RUNX1T1: variants seen among roughly 807,000 people sequenced by gnomAD.
RUNX1T1 encodes protein CBFA2T1.
RUNX1T1 carries 4 observed loss-of-function variants against 62.8 expected under a neutral mutation model. That is an observed-to-expected ratio of 0.06 (90% confidence interval 0.03 to 0.15). RUNX1T1 has a LOEUF of 0.15. Among genes scored for constraint, RUNX1T1 ranks in the 10% least tolerant of loss-of-function variants. RUNX1T1 has a pLI of 1.00. For missense variants in RUNX1T1, 508 were observed against 754.3 expected, an observed-to-expected ratio of 0.67 and a Z score of 3.82; for synonymous variants, 291 against 286.0, an observed-to-expected ratio of 1.02 and a Z score of -0.18.
In RUNX1T1 at chr8:92,005,297, C is replaced by T. The variant is rs777373997; in HGVS notation, c.478G>A (p.Ala160Thr). 2.5e-6 allele frequency: 4 copies of T among 1,610,088 alleles called. No homozygotes were observed. In the South Asian group the frequency reaches 4.4e-5, roughly 18 times the overall value. Residue 160 changes from alanine to threonine, a missense_variant and splice_region_variant, in exon 5 of 11, where the codon GCC (alanine) becomes ACC (threonine). Ala to Thr is a moderately conservative substitution (Grantham distance 58). Around this residue, in one of 7 missense-constraint regions of RUNX1T1, gnomAD observed 167 missense variants for 208.6 expected, o/e 0.80. Coordinates refer to ENST00000396218, the Ensembl canonical transcript of RUNX1T1. ...TCACGCTGCAGCAGGGGCAAGTTGG[C>T]CTGCAAGGGAATGACAGGAATGAGA...
At chr8:92,060,296 GCAA>G (rs1831704847) in intron 1 of RUNX1T1, among the ~76,000 whole-genome samples, 1 of 151,576 alleles carries the variant, frequency 6.6e-6, no homozygotes, top group African/African-American at 2.4e-5. Context: ...CAATATGCTA[GCAA>G]CATCTTTAAA....
intron 1 of RUNX1T1, among the ~76,000 whole-genome samples, chr8:92,019,421 G>T (rs73698215): frequency 5.9e-5 from 9 of 151,996 alleles, no homozygotes; most frequent in Non-Finnish European, 1.5e-5. Flanking sequence ...AGAGCAGGAG[G>T]GGGAGGGGAA....
chr8:91,980,693 A>G (rs2130762293), intron 8 of RUNX1T1, among the ~76,000 whole-genome samples: 1 of 152,192 alleles, frequency 6.6e-6, no homozygotes, highest in African/African-American at 2.4e-5. Context: ...ATATTTTGAG[A>G]CAAGGTCTTG....
chr8:91,974,653 C>T (rs1813536956), intron 9 of RUNX1T1, among the ~76,000 whole-genome samples: 1 of 152,084 alleles, frequency 6.6e-6, no homozygotes, highest in Non-Finnish European at 1.5e-5. Context: ...TTTTTAACAG[C>T]TTGGGAATAC....
At chr8:92,050,430 C>G (rs1033806240) in intron 1 of RUNX1T1, among the ~76,000 whole-genome samples, 1 of 152,180 alleles carries the variant, frequency 6.6e-6, no homozygotes, top group Admixed American at 6.5e-5. Flanking sequence ...ATCCCTATGT[C>G]AGTGATAGAT....
At chr8:91,968,371 G>A (rs1469881575) in intron 10 of RUNX1T1, among the ~76,000 whole-genome samples, 1 of 152,164 alleles carries the variant, frequency 6.6e-6, no homozygotes, top group Non-Finnish European at 1.5e-5. Flanking sequence ...TGCACCCTAG[G>A]TTACAGTGCA....
At chr8:92,066,231 T>A (rs1465932440), upstream of RUNX1T1, among the ~76,000 whole-genome samples, 2 of 152,180 alleles carry the variant, frequency 1.3e-5, no homozygotes, top group East Asian at 3.9e-4. Flanking sequence ...AAGACCCCCC[T>A]GCTCTTAGAG....
chr8:92,062,406 C>T, intron 1 of RUNX1T1: 1 of 914,506 alleles, frequency 1.1e-6, no homozygotes, highest in Non-Finnish European at 1.8e-6. Context: ...ACCTTCCAAT[C>T]ACACCTCTGT....
intron 5 of RUNX1T1, 53 bp downstream of exon 6, chr8:92,005,063 C>T (rs1165384789): frequency 2.1e-6 from 3 of 1,450,764 alleles, no homozygotes; most frequent in Non-Finnish European, 2.8e-6. Flanking sequence ...TTTCCTCATG[C>T]CACAGGTATG....
At chr8:92,091,426 A>G (rs991968991) in intron 1 of RUNX1T1, among the ~76,000 whole-genome samples, 1 of 152,230 alleles carries the variant, frequency 6.6e-6, no homozygotes, top group African/African-American at 2.4e-5. Context: ...CACTTTAAAC[A>G]TCAACCATGG....
At chr8:92,062,649 A>G in exon 1 of RUNX1T1, 1 of 1,613,162 alleles carries the variant, frequency 6.2e-7, no homozygotes, top group Non-Finnish European at 8.5e-7. Context: ...GGCAGCAGAG[A>G]GGAGGGCCAT....
intron 1 of RUNX1T1, among the ~76,000 whole-genome samples, chr8:92,076,971 C>T (rs2130785090): frequency 6.6e-6 from 1 of 152,094 alleles, no homozygotes. Flanking sequence ...AAGGTAGGAA[C>T]TCAACAAATG....
upstream of RUNX1T1, among the ~76,000 whole-genome samples, chr8:92,064,732 C>T (rs1335293742): frequency 6.6e-6 from 1 of 152,044 alleles, no homozygotes; most frequent in African/African-American, 2.4e-5. Context: ...AATCATATGA[C>T]AAAATGCAAT....
At chr8:92,056,590 A>C (rs1831075284) in intron 1 of RUNX1T1, among the ~76,000 whole-genome samples, 1 of 152,018 alleles carries the variant, frequency 6.6e-6, no homozygotes, top group African/African-American at 2.4e-5. Flanking sequence ...AGCATCCCAC[A>C]ATTTTAAAAA....
intron 1 of RUNX1T1, among the ~76,000 whole-genome samples, chr8:92,028,819 A>G (rs948038746): frequency 6.6e-6 from 1 of 152,218 alleles, no homozygotes; most frequent in African/African-American, 2.4e-5. Context: ...GAACATAAGC[A>G]TGTATGTTAA....
chr8:92,068,486 C>A (rs1833201188), intron 2 of RUNX1T1, among the ~76,000 whole-genome samples: 1 of 152,144 alleles, frequency 6.6e-6, no homozygotes, highest in African/African-American at 2.4e-5. Context: ...CCAGCCCACA[C>A]CACACTGCAG....
At chr8:92,066,386 G>A (rs551055813), upstream of RUNX1T1, among the ~76,000 whole-genome samples, 3 of 152,298 alleles carry the variant, frequency 2.0e-5, no homozygotes, top group South Asian at 4.1e-4. Flanking sequence ...TTTTATGGGC[G>A]AGTGGTAAAA....
chr8:92,032,933 A>G (rs977445090), intron 1 of RUNX1T1, among the ~76,000 whole-genome samples: 2 of 152,232 alleles, frequency 1.3e-5, no homozygotes, highest in Non-Finnish European at 2.9e-5. Context: ...TATTTTTTTA[A>G]ATTAAAACAA....
At chr8:92,026,943 C>T (rs185471466) in intron 1 of RUNX1T1, among the ~76,000 whole-genome samples, 1,611 of 150,722 alleles carry the variant, frequency 0.011, 22 homozygotes, top group African/African-American at 0.037. Context: ...CGGTGAAACC[C>T]TGTCTCTACT....
Sources: gnomAD v4.1 joint callset for allele counts (sites outside exome capture counted in the v4.1 genomes callset) on GRCh38, gnomAD v4.1.1 for gene constraint, gnomAD v4.1.1 regional missense constraint, MANE v1.5 for transcripts, NCBI Gene and HGNC (gene_info 2026-07-23, HGNC 2026-07-21) for gene names.